The following TSNARE1 variants were observed in gnomAD, a reference collection of about 807,000 sequenced individuals.
TSNARE1 encodes the protein t-SNARE domain-containing protein 1.
Under a neutral mutation model 62.0 loss-of-function variants are expected in TSNARE1, and 49 were observed. The observed-to-expected ratio is 0.79, with a 90% confidence interval of 0.63 to 1.00. The LOEUF is 1.00. Ranked by LOEUF, TSNARE1 falls within the 50% of genes least tolerant of loss-of-function variation. The pLI is 0.00. For synonymous variants in TSNARE1, 328 were observed against 294.4 expected (o/e 1.11, Z -1.17); for missense variants, 755 against 700.1 (o/e 1.08, Z -0.88).
intron 1 of TSNARE1, among the ~76,000 whole-genome samples, chr8:142,359,611 G>A (rs113485958): frequency 1.8e-4 from 27 of 152,308 alleles, no homozygotes; most frequent in African/African-American, 6.5e-4. Flanking sequence ...GGGGGAGCCA[G>A]GGAAATCTCC....
In TSNARE1 at chr8:142,274,811, G is replaced by A; in HGVS notation, c.1416C>T (p.Arg472=). 1.3e-6 allele frequency: 2 copies of A among 1,580,674 alleles called. No homozygotes were observed. Among genetic ancestry groups the A allele is most frequent in the East Asian group, 2.4e-5 (1 of 41,984 alleles). ...EAASSHAEAA[R]QLLAGASRHQ... ...GCCGGCTGGCTCCAGCCAGGAGCTG[G>A]CGGGCTGCCTCCGCATGCGAGGACG... Residue 472 remains arginine (R), a synonymous_variant, in exon 12 of 14, where the codon CGC becomes CGT. Transcript: ENST00000524325.
At chr8:142,329,411 G>A (rs558687120) in intron 6 of TSNARE1, among the ~76,000 whole-genome samples, 29 of 152,364 alleles carry the variant, frequency 1.9e-4, no homozygotes, top group African/African-American at 7.0e-4. Flanking sequence ...GGGCGGCCCA[G>A]GATGCGCACA....
intron 13 of TSNARE1, among the ~76,000 whole-genome samples, chr8:142,216,251 T>C (rs1006303480): frequency 6.6e-6 from 1 of 152,148 alleles, no homozygotes; most frequent in Admixed American, 6.5e-5. Context: ...CTCAGCCATA[T>C]GGCACTGAAA....
chr8:142,363,842 G>A (rs1341733218), intron 1 of TSNARE1, among the ~76,000 whole-genome samples: 1 of 152,130 alleles, frequency 6.6e-6, no homozygotes, highest in Non-Finnish European at 1.5e-5. Context: ...AAGAGACCGG[G>A]ATACCCAATA....
intron 1 of TSNARE1, among the ~76,000 whole-genome samples, chr8:142,367,219 T>G (rs538774375): frequency 1.3e-5 from 2 of 152,346 alleles, no homozygotes; most frequent in Admixed American, 1.3e-4. Flanking sequence ...CATGCGTTTT[T>G]ATGGAGCTGG....
At chr8:142,382,967 C>T (rs1311722353) in intron 1 of TSNARE1, among the ~76,000 whole-genome samples, 13 of 152,038 alleles carry the variant, frequency 8.6e-5, no homozygotes, top group Admixed American at 8.5e-4. Flanking sequence ...CAGCCCCAGC[C>T]GAGCAGGGTC....
At chr8:142,390,229 T>G (rs1463139264) in intron 1 of TSNARE1, among the ~76,000 whole-genome samples, 2 of 151,970 alleles carry the variant, frequency 1.3e-5, no homozygotes, top group Non-Finnish European at 2.9e-5. Context: ...ACTGTACACT[T>G]TGGGGGACTT....
chr8:142,255,507 T>C (rs1325456598), intron 12 of TSNARE1, among the ~76,000 whole-genome samples: 1 of 5,418 alleles, frequency 1.8e-4, no homozygotes, highest in African/African-American at 5.7e-4. Flanking sequence ...CCACCACCAC[T>C]GTCACCATCA....
chr8:142,223,064 T>TCAC (rs1816513616), intron 13 of TSNARE1, among the ~76,000 whole-genome samples: 6 of 148,788 alleles, frequency 4.0e-5, no homozygotes, highest in Non-Finnish European at 7.4e-5. Flanking sequence ...ACTCATTCAC[T>TCAC]TACTCGCTCA....
chr8:142,303,545 C>T (rs1159424788), intron 9 of TSNARE1, among the ~76,000 whole-genome samples: 1 of 152,220 alleles, frequency 6.6e-6, no homozygotes, highest in South Asian at 2.1e-4. Flanking sequence ...CCAGGAACAC[C>T]CATGGGGGGC....
At chr8:142,397,414 C>T (rs1255782171) in intron 1 of TSNARE1, among the ~76,000 whole-genome samples, 1 of 152,208 alleles carries the variant, frequency 6.6e-6, no homozygotes. Flanking sequence ...ATGCTGCCCA[C>T]CTCCCAGGAG....
rs573993915 is a variant in TSNARE1 at position 142,328,258 on chromosome 8, G to A, written c.893+2643C>T. On this transcript the variant is annotated intron_variant, in intron 6 of 13. Transcript: ENST00000524325. ...CTATGTAGCTGTTAGATATAAGGGA[G>A]TAAGTACATCCTATGTCCTTGTACT... Among the ~76,000 whole-genome samples the A allele has an allele frequency of 4.6e-5, 7 of 152,252 alleles. No individual in the cohort carries two copies. The East Asian group carries it at 1.4e-3, about 29-fold the overall frequency.
At chr8:142,388,796 G>A (rs1396592886) in intron 1 of TSNARE1, among the ~76,000 whole-genome samples, 1 of 152,048 alleles carries the variant, frequency 6.6e-6, no homozygotes, top group Admixed American at 6.5e-5. Flanking sequence ...GGTCTCAAAC[G>A]CCTGACCTCA....
intron 10 of TSNARE1, among the ~76,000 whole-genome samples, chr8:142,299,540 C>T (rs539300249): frequency 3.1e-4 from 47 of 152,364 alleles, no homozygotes; most frequent in Non-Finnish European, 4.3e-4. Flanking sequence ...GTCCCCCCCA[C>T]GCTGCCTGAT....
intron 1 of TSNARE1, among the ~76,000 whole-genome samples, chr8:142,389,642 A>C (rs1158007314): frequency 6.6e-6 from 1 of 152,248 alleles, no homozygotes; most frequent in African/African-American, 2.4e-5. Flanking sequence ...TGTCAGAGAC[A>C]AGAAAGGAAC....
intron 12 of TSNARE1, among the ~76,000 whole-genome samples, chr8:142,251,524 C>T (rs921082200): frequency 6.6e-6 from 1 of 152,184 alleles, no homozygotes; most frequent in East Asian, 1.9e-4. Flanking sequence ...GCGGCAGGCT[C>T]CTGTCCGTCC....
chr8:142,223,955 T>G (rs73716163), intron 13 of TSNARE1, among the ~76,000 whole-genome samples: 4 of 151,878 alleles, frequency 2.6e-5, no homozygotes, highest in Admixed American at 6.6e-5. Context: ...GGGAGGGCTT[T>G]CTGCCAAGGG....
At chr8:142,240,751 A>G (rs1817639162) in intron 12 of TSNARE1, among the ~76,000 whole-genome samples, 1 of 152,244 alleles carries the variant, frequency 6.6e-6, no homozygotes, top group Non-Finnish European at 1.5e-5. Flanking sequence ...TAATGGGTCA[A>G]AGAAAAATGA....
At chr8:142,213,290 CTCCGGGGCTGGGGA>C (rs1484809005) in intron 13 of TSNARE1, among the ~76,000 whole-genome samples, 1 of 137,512 alleles carries the variant, frequency 7.3e-6, no homozygotes, top group African/African-American at 2.8e-5. Context: ...CCTGTGCGGA[CTCCGGGGCTGGGGA>C]GAATGCCCCT....
Sources: allele counts gnomAD v4.1 joint callset (sites outside exome capture counted in the v4.1 genomes callset), GRCh38; gene constraint gnomAD v4.1.1; transcripts MANE v1.5; gene names NCBI Gene and HGNC (gene_info 2026-07-23, HGNC 2026-07-21).